Variants in PIEZO2 observed in about 807,000 individuals in gnomAD.
PIEZO2 encodes piezo type mechanosensitive ion channel component 2.
A neutral mutation model predicts 337.3 loss-of-function variants in PIEZO2; 172 were observed. The ratio of observed to expected loss-of-function variants is 0.51; its 90% CI spans 0.45 to 0.58. The LOEUF (loss-of-function observed/expected upper bound fraction) is 0.58, where lower values mean the gene tolerates loss of function less well. Among genes scored for constraint, PIEZO2 ranks in the 20% least tolerant of loss-of-function variants. The probability of loss-of-function intolerance (pLI) is 0.00; values close to 1 mark genes in which losing one functional copy is unlikely to be tolerated. For synonymous variants in PIEZO2, 1,251 were observed against 1,228.5 expected, an observed-to-expected ratio of 1.02 and a Z score of -0.38; for missense variants, 3,028 against 3,391.3, an observed-to-expected ratio of 0.89 and a Z score of 2.66.
Position 10,878,349 on chromosome 18 carries a change from A to G in PIEZO2, c.330-6934T>C, listed in dbSNP as rs568004759. The stretch of plus-strand genomic sequence containing the variant: ...GCACTGTTGAAGAATTAGATGAGAC[A>G]CCTACCATAAAGAGCTCTGTAATTC... On this transcript the variant is annotated intron_variant, in intron 4 of 55. Coordinates refer to ENST00000674853, the MANE Select transcript of PIEZO2 (RefSeq NM_001378183.1). This position sits in a 1 kb window ranked among gnomAD's most constrained non-coding sequence, Gnocchi z 4.3. Among the ~76,000 whole-genome samples the G allele has an allele frequency of 7.9e-5, 12 of 152,324 alleles. No homozygotes were observed. Among genetic ancestry groups the G allele is most frequent in the Non-Finnish European group, 1.6e-4 (11 of 68,028 alleles).
In PIEZO2 at chr18:10,673,864, G is replaced by A. The variant is rs1255122802; in HGVS notation, c.8162-991C>T. Among the ~76,000 whole-genome samples, 1 of 152,082 alleles carries A rather than the reference G, an allele frequency of 6.6e-6. No homozygotes were observed. The highest frequency in any genetic ancestry group is 1.5e-5 in the Non-Finnish European group (1 of 68,026). On this transcript the variant is annotated intron_variant, in intron 54 of 55. Coordinates refer to ENST00000674853, the MANE Select transcript of PIEZO2 (RefSeq NM_001378183.1). This position sits in a 1 kb window ranked among gnomAD's most constrained non-coding sequence, Gnocchi z 4.8. ...CATTGGAAGAAGAAGAATTGTCTTG[G>A]GTCACCCAGGAAATATACTAACACC...
intron 49 of PIEZO2, among the ~76,000 whole-genome samples, chr18:10,683,942 C>T (rs1265941548): frequency 1.3e-5 from 2 of 152,116 alleles, no homozygotes; most frequent in Non-Finnish European, 2.9e-5. Flanking sequence ...AGCCCTCACA[C>T]TGCCTTTCCA....
intron 2 of PIEZO2, among the ~76,000 whole-genome samples, chr18:11,046,890 G>A (rs2145832396): frequency 6.6e-6 from 1 of 152,346 alleles, no homozygotes; most frequent in Non-Finnish European, 1.5e-5. Flanking sequence ...GGCATCTGTG[G>A]GGAGCCAGGG....
In PIEZO2 at chr18:10,952,384, C is replaced by A. The variant is rs1312135780; in HGVS notation, c.286+27151G>T. Among the ~76,000 whole-genome samples, 5 of 114,736 alleles carry A rather than the reference C, an allele frequency of 4.4e-5. No individual in the cohort carries two copies. In the Admixed American group the frequency reaches 4.6e-4, roughly 10 times the overall value. The allele number at this position is 114,736 out of a possible 152,430, so 75.3% of individuals were successfully genotyped here. On this transcript the variant is annotated intron_variant, in intron 3 of 55. Transcript: ENST00000674853. This position sits in a 1 kb window ranked among gnomAD's most constrained non-coding sequence, Gnocchi z 4.1. ...TCCATGGTCATTGTAGTCAGCCACT[C>A]CCCTGATCCTCCACCCCATGGTGAG...
chr18:10,886,660 CTCTT>C (rs1388599086), intron 4 of PIEZO2, among the ~76,000 whole-genome samples: 5 of 150,734 alleles, frequency 3.3e-5, no homozygotes, highest in Non-Finnish European at 5.9e-5. Flanking sequence ...AATGTGATCT[CTCTT>C]TCTTTTTCTC....
In PIEZO2 at chr18:10,892,839, A is replaced by C. The variant is rs1219199809; in HGVS notation, c.329+18347T>G. Among the ~76,000 whole-genome samples the C allele has an allele frequency of 2.6e-5, 4 of 152,260 alleles. No individual in the cohort carries two copies. The East Asian group carries it at 7.7e-4, about 29-fold the overall frequency. On this transcript the variant is annotated intron_variant, in intron 4 of 55. Coordinates refer to ENST00000674853, the MANE Select transcript of PIEZO2 (RefSeq NM_001378183.1). ...AACAAGTACTTCATACAAATGAAAT[A>C]TTTTAAACAAGCTACATCTGTAAAT... is the stretch of plus-strand genomic sequence containing the variant.
At chr18:10,680,418 G>T (rs762389027) in intron 51 of PIEZO2, 47 bp from the exon 52 acceptor site, 1 of 1,517,950 alleles carries the variant, frequency 6.6e-7, no homozygotes, top group Non-Finnish European at 9.0e-7. Flanking sequence ...TATGCATCAT[G>T]CTGTATAAAG....
rs369791378 is a variant in PIEZO2 at position 10,875,102 on chromosome 18, C to G, written c.330-3687G>C. ...AATATGTACAATTATTACAAATCAA[C>G]TTAAAAAATGATCTGGAAGAGGAAC... On this transcript the variant is annotated intron_variant, in intron 4 of 55. Transcript: ENST00000674853. 4.2e-4 allele frequency among the ~76,000 whole-genome samples: 64 copies of G among 152,126 alleles called. 1 individual carries two copies. The South Asian group carries it at 0.012, about 29-fold the overall frequency.
Position 11,078,948 on chromosome 18 carries a change from C to A in PIEZO2, c.65-12726G>T, listed in dbSNP as rs1011873971. Among the ~76,000 whole-genome samples the A allele has an allele frequency of 6.6e-6, 1 of 152,236 alleles. No homozygotes were observed. Among genetic ancestry groups the A allele is most frequent in the African/African-American group, 2.4e-5 (1 of 41,462 alleles). ...CTCAGCCTTCTGCTCTATTACCCTT[C>A]TTTTCAGTCTACACCACAGCGTCAT... On this transcript the variant is annotated intron_variant, in intron 1 of 55. Coordinates refer to ENST00000674853, the MANE Select transcript of PIEZO2 (RefSeq NM_001378183.1). This position sits in a 1 kb window ranked among gnomAD's most constrained non-coding sequence, Gnocchi z 5.3.
Position 10,789,172 on chromosome 18 carries a change from T to C in PIEZO2, c.2076A>G (p.Gly692=). The C allele has an allele frequency of 3.9e-6, 6 of 1,537,258 alleles. 1 individual carries two copies. The South Asian group carries it at 7.1e-5, about 18-fold the overall frequency. ...CGAAGCTGACGAAGAAGAACATGCC[T>C]CCGCAGACGTAGATCCAGTACTTGA... ...MFIKYWIYVC[G]GMFFFVSFEG... Residue 692 remains glycine, a synonymous_variant, in exon 15 of 56, where the codon GGA becomes GGG. Transcript: ENST00000674853.
Position 10,857,319 on chromosome 18 carries a change from G to A in PIEZO2, c.493-108C>T. 1.3e-5 allele frequency: 12 copies of A among 956,474 alleles called. No individual in the cohort carries two copies. The Admixed American group carries it at 1.9e-4, about 15-fold the overall frequency. The allele number at this position is 956,474 out of a possible 1,614,324, so 59.2% of individuals were successfully genotyped here. On this transcript the variant is annotated intron_variant, in intron 5 of 55. Coordinates refer to ENST00000674853, the MANE Select transcript of PIEZO2 (RefSeq NM_001378183.1). ...GTCAGTCAACGTGGTGAATTTCACA[G>A]ATCAGGAAAAAAGGGAAGACAACCA...
rs1017319088 is a variant in PIEZO2, at chr18:10,815,986, G to A, written c.918-8712C>T. Among the ~76,000 whole-genome samples the A allele has an allele frequency of 1.3e-5, 2 of 152,134 alleles. No individual in the cohort carries two copies. Among genetic ancestry groups the A allele is most frequent in the Non-Finnish European group, 2.9e-5 (2 of 68,020 alleles). On this transcript the variant is annotated intron_variant, in intron 7 of 55. Coordinates refer to ENST00000674853, the MANE Select transcript of PIEZO2 (RefSeq NM_001378183.1). This position sits in a 1 kb window ranked among gnomAD's most constrained non-coding sequence, Gnocchi z 4.1. ...ATCAGTGCAATAAAAACTCCCATTT[G>A]GAGAAAGGAGGTGCGGGAAACACAA...
chr18:11,106,476 T>A (rs1254457074), intron 1 of PIEZO2, among the ~76,000 whole-genome samples: 1 of 146,658 alleles, frequency 6.8e-6, no homozygotes, highest in Non-Finnish European at 1.5e-5. Flanking sequence ...GGTGCAATCA[T>A]AGCTCATTGT....
chr18:11,082,599 G>A (rs752139527), intron 1 of PIEZO2, among the ~76,000 whole-genome samples: 5 of 152,214 alleles, frequency 3.3e-5, no homozygotes, highest in Non-Finnish European at 5.9e-5. Context: ...TTACAGGCGT[G>A]ATGTTTCACA....
intron 2 of PIEZO2, among the ~76,000 whole-genome samples, chr18:11,025,519 C>T (rs2036507717): frequency 2.0e-5 from 3 of 151,922 alleles, no homozygotes; most frequent in South Asian, 2.1e-4. Flanking sequence ...TCAAAGGGCC[C>T]GGTGCACTAG....
chr18:11,112,277 T>C lies in PIEZO2; in HGVS notation c.64+36248A>G, dbSNP rs1473562270. 1.3e-5 allele frequency among the ~76,000 whole-genome samples: 2 copies of C among 152,244 alleles called. No individual in the cohort carries two copies. Among genetic ancestry groups the C allele is most frequent in the Admixed American group, 6.5e-5 (1 of 15,276 alleles). On this transcript the variant is annotated intron_variant, in intron 1 of 55. Coordinates refer to ENST00000674853, the MANE Select transcript of PIEZO2 (RefSeq NM_001378183.1). This position sits in a 1 kb window ranked among gnomAD's most constrained non-coding sequence, Gnocchi z 4.3. ...AGTTCTGAATACCAACTGAGGTTTT[T>C]TGTTTGGTATCAGGAAGGTCATTTG...
intron 51 of PIEZO2, among the ~76,000 whole-genome samples, chr18:10,681,187 G>A (rs559918936): frequency 6.6e-6 from 1 of 152,256 alleles, no homozygotes; most frequent in South Asian, 2.1e-4. Flanking sequence ...CTCCTATTAT[G>A]ACCACTCTAG....
chr18:10,743,528 T>C (rs1182172573), intron 31 of PIEZO2, among the ~76,000 whole-genome samples: 3 of 152,158 alleles, frequency 2.0e-5, no homozygotes, highest in Non-Finnish European at 4.4e-5. Flanking sequence ...AATGGGATGG[T>C]GGGAAAAACC....
chr18:10,861,966 C>T lies in PIEZO2; in HGVS notation c.493-4755G>A, dbSNP rs141680968. On this transcript the variant is annotated intron_variant, in intron 5 of 55. Coordinates refer to ENST00000674853, the MANE Select transcript of PIEZO2 (RefSeq NM_001378183.1). This position sits in a 1 kb window ranked among gnomAD's most constrained non-coding sequence, Gnocchi z 4.3. ...CAACGAGGCAGAGGTCGCAGTGAGC[C>T]GAGATCACGCCACTGCACTCCAGCC... Among the ~76,000 whole-genome samples the T allele has an allele frequency of 0.018, 2,733 of 151,728 alleles. 83 individuals are homozygous for T. The highest frequency in any genetic ancestry group is 0.062 in the African/African-American group (2,579 of 41,354).
Sources: gnomAD v4.1 joint callset for allele counts (sites outside exome capture counted in the v4.1 genomes callset) on GRCh38, gnomAD v4.1.1 for gene constraint, Gnocchi (gnomAD v3.1) non-coding constraint, MANE v1.5 for transcripts, NCBI Gene and HGNC (gene_info 2026-07-23, HGNC 2026-07-21) for gene names.